Variants in TBX15 observed in about 807,000 individuals in gnomAD.
TBX15 encodes T-box transcription factor TBX15.
TBX15 carries 18 observed loss-of-function variants against 53.9 expected under a neutral mutation model. The ratio of observed to expected loss-of-function variants is 0.33; its 90% CI spans 0.23 to 0.49. TBX15 has a LOEUF of 0.49. Among genes scored for constraint, TBX15 ranks in the 20% least tolerant of loss-of-function variants. The probability of loss-of-function intolerance (pLI) is 0.98; values close to 1 mark genes in which losing one functional copy is unlikely to be tolerated. For synonymous variants in TBX15, 295 were observed against 278.0 expected (o/e 1.06, Z -0.61); for missense variants, 692 against 749.5 (o/e 0.92, Z 0.90).
In TBX15 at chr1:118,985,411, C is replaced by T. The variant is rs374089147; in HGVS notation, c.205+2180G>A. Among the ~76,000 whole-genome samples, 7 of 152,388 alleles carry T rather than the reference C, an allele frequency of 4.6e-5. No homozygotes were observed. The East Asian group carries it at 7.7e-4, about 17-fold the overall frequency. On this transcript the variant is annotated intron_variant, in intron 1 of 7. Coordinates refer to ENST00000369429, the MANE Select transcript of TBX15 (RefSeq NM_001330677.2). ...CCCTGGTCGCGCCTTTCGCTACCGC[C>T]TGAGTCTGGAGCCGACAGCTCCACC...
Position 118,966,337 on chromosome 1 carries a change from G to T in TBX15, c.205+21254C>A, listed in dbSNP as rs149389303. On this transcript the variant is annotated intron_variant, in intron 1 of 7. Transcript: ENST00000369429. ...AATCGTGCAGAGCAGGTTCTCCTGG[G>T]CCTGCTGGGCAGCAGCTGAAGAAAC... Among the ~76,000 whole-genome samples the T allele has an allele frequency of 2.2e-4, 33 of 152,292 alleles. No homozygotes were observed. The East Asian group carries it at 5.2e-3, about 24-fold the overall frequency.
At chr1:118,914,068 A>C (rs777457952) in intron 6 of TBX15, 47 bp downstream of exon 6, 1 of 1,594,030 alleles carries the variant, frequency 6.3e-7, no homozygotes, top group Non-Finnish European at 8.6e-7. Flanking sequence ...ATGTGAGGGA[A>C]GTAATGTCAC....
chr1:118,974,283 C>T (rs1462924854), intron 1 of TBX15, among the ~76,000 whole-genome samples: 1 of 152,190 alleles, frequency 6.6e-6, no homozygotes, highest in Non-Finnish European at 1.5e-5. Context: ...TAGAGTGGTG[C>T]TGGCAACAGG....
chr1:118,956,610 A>C (rs1656697106), intron 1 of TBX15, among the ~76,000 whole-genome samples: 1 of 152,176 alleles, frequency 6.6e-6, no homozygotes, highest in Non-Finnish European at 1.5e-5. Flanking sequence ...ATTTTGAAAA[A>C]ATAACCACAT....
At chr1:118,941,813 G>C (rs568900977) in intron 1 of TBX15, among the ~76,000 whole-genome samples, 1 of 152,126 alleles carries the variant, frequency 6.6e-6, no homozygotes, top group South Asian at 2.1e-4. Flanking sequence ...AGCATGCTGG[G>C]GCTTAGGATC....
intron 1 of TBX15, among the ~76,000 whole-genome samples, chr1:118,967,906 C>T (rs1571212147): frequency 6.6e-6 from 1 of 152,182 alleles, no homozygotes; most frequent in Non-Finnish European, 1.5e-5. Context: ...GCCTCATTTG[C>T]TTAGGGAGCC....
intron 1 of TBX15, among the ~76,000 whole-genome samples, chr1:118,944,966 T>C (rs879841301): frequency 1.3e-5 from 2 of 152,208 alleles, no homozygotes; most frequent in Non-Finnish European, 2.9e-5. Context: ...TAGGATGGTG[T>C]CCTTCTGTTG....
At chr1:118,909,879 C>T (rs1359405188) in intron 6 of TBX15, among the ~76,000 whole-genome samples, 1 of 152,198 alleles carries the variant, frequency 6.6e-6, no homozygotes, top group Non-Finnish European at 1.5e-5. Flanking sequence ...CCGCACCCTG[C>T]CAGATGTCTC....
intron 7 of TBX15, among the ~76,000 whole-genome samples, chr1:118,888,108 T>G (rs1384113098): frequency 6.6e-6 from 1 of 152,186 alleles, no homozygotes; most frequent in Non-Finnish European, 1.5e-5. Flanking sequence ...TTCCACAATT[T>G]GAGACAAGGC....
chr1:118,956,719 G>A (rs537416373), intron 1 of TBX15, among the ~76,000 whole-genome samples: 14 of 152,134 alleles, frequency 9.2e-5, no homozygotes, highest in South Asian at 6.2e-4. Context: ...TTGGGAGGCC[G>A]AAGTGGGAAG....
At chr1:118,907,395 T>C (rs1255969996) in intron 6 of TBX15, among the ~76,000 whole-genome samples, 1 of 152,216 alleles carries the variant, frequency 6.6e-6, no homozygotes, top group Non-Finnish European at 1.5e-5. Context: ...TTTTTATGTA[T>C]GTGTTTGCTT....
At chr1:118,915,766 C>T (rs1276662950) in intron 5 of TBX15, among the ~76,000 whole-genome samples, 1 of 152,114 alleles carries the variant, frequency 6.6e-6, no homozygotes, top group African/African-American at 2.4e-5. Flanking sequence ...TTGGTTTATC[C>T]TGTCCAACTC....
chr1:118,893,540 TGGAA>T (rs775989628), intron 7 of TBX15, among the ~76,000 whole-genome samples: 406 of 29,450 alleles, frequency 0.014, 6 homozygotes, highest in Middle Eastern at 0.079. Context: ...GAAAGAAAGA[TGGAA>T]GGAAGGAAGG....
At chr1:118,972,652 G>A (rs911090234) in intron 1 of TBX15, among the ~76,000 whole-genome samples, 2 of 152,084 alleles carry the variant, frequency 1.3e-5, no homozygotes, top group African/African-American at 4.8e-5. Flanking sequence ...AGGCTGGAGT[G>A]TAGCGGCGCA....
At chr1:118,930,211 C>G (rs1342153161) in intron 2 of TBX15, among the ~76,000 whole-genome samples, 3 of 152,060 alleles carry the variant, frequency 2.0e-5, no homozygotes, top group East Asian at 3.9e-4. Context: ...TGGACCCAAC[C>G]AAAATATTAT....
chr1:118,929,642 G>A (rs1476375849), intron 2 of TBX15, among the ~76,000 whole-genome samples: 2 of 152,136 alleles, frequency 1.3e-5, no homozygotes, highest in Non-Finnish European at 2.9e-5. Context: ...AGATATTAAG[G>A]TGAACTTGTG....
chr1:118,888,050 T>TG (rs1654012061), intron 7 of TBX15, among the ~76,000 whole-genome samples: 1 of 152,228 alleles, frequency 6.6e-6, no homozygotes, highest in African/African-American at 2.4e-5. Context: ...CCTTCCTCCT[T>TG]TCTAATACTC....
intron 6 of TBX15, among the ~76,000 whole-genome samples, chr1:118,899,980 G>C (rs530584535): frequency 1.3e-5 from 2 of 152,136 alleles, no homozygotes; most frequent in Non-Finnish European, 2.9e-5. Context: ...TGCAAGTGCT[G>C]ATATACATCA....
At chr1:118,888,453 T>C (rs1654022848) in intron 7 of TBX15, among the ~76,000 whole-genome samples, 1 of 152,240 alleles carries the variant, frequency 6.6e-6, no homozygotes, top group Non-Finnish European at 1.5e-5. Flanking sequence ...TCTGTCTTGT[T>C]TCTATACAGC....
Sources: gnomAD v4.1 joint callset for allele counts (sites outside exome capture counted in the v4.1 genomes callset) on GRCh38, gnomAD v4.1.1 for gene constraint, MANE v1.5 for transcripts, NCBI Gene and HGNC (gene_info 2026-07-23, HGNC 2026-07-21) for gene names.